Variants in DIS3L2 observed in about 807,000 individuals in gnomAD.
The protein encoded by DIS3L2 is DIS3-like exonuclease 2.
Under a neutral mutation model 97.5 loss-of-function variants are expected in DIS3L2, and 34 were observed. The ratio of observed to expected loss-of-function variants is 0.35; its 90% CI spans 0.27 to 0.46. DIS3L2 has a LOEUF of 0.46. DIS3L2 is among the 20% of genes least tolerant of loss of function. The pLI is 1.00. For missense variants in DIS3L2, 1,038 were observed against 1,146.0 expected (o/e 0.91, Z 1.36); for synonymous variants, 435 against 445.2 (o/e 0.98, Z 0.29).
chr2:232,234,830 C>T (rs1165141541), intron 10 of DIS3L2, among the ~76,000 whole-genome samples: 5 of 152,140 alleles, frequency 3.3e-5, no homozygotes, highest in African/African-American at 9.7e-5. Context: ...ATGTCTAGTG[C>T]GGGCATAAAC....
At chr2:232,240,528 G>A (rs1192278433) in intron 11 of DIS3L2, among the ~76,000 whole-genome samples, 1 of 152,224 alleles carries the variant, frequency 6.6e-6, no homozygotes, top group African/African-American at 2.4e-5. Flanking sequence ...TGACCAATTA[G>A]TGAGAATAGT....
chr2:232,230,702 CAAAGTGAG>C (rs1342074837), intron 10 of DIS3L2, among the ~76,000 whole-genome samples: 1 of 152,150 alleles, frequency 6.6e-6, no homozygotes, highest in Non-Finnish European at 1.5e-5. Flanking sequence ...GGTGAGGTGG[CAAAGTGAG>C]AAAGTGAGTA....
intron 8 of DIS3L2, among the ~76,000 whole-genome samples, chr2:232,141,128 C>T (rs966354077): frequency 6.6e-6 from 1 of 152,138 alleles, no homozygotes; most frequent in African/African-American, 2.4e-5. Flanking sequence ...AATCATCTTT[C>T]CCTTTAGAAA....
intron 8 of DIS3L2, among the ~76,000 whole-genome samples, chr2:232,138,610 T>A (rs538434445): frequency 9.2e-5 from 14 of 152,194 alleles, no homozygotes; most frequent in Non-Finnish European, 2.1e-4. Context: ...TGGTTATCCG[T>A]TACTGATCTT....
chr2:232,175,694 A>T (rs151218904), intron 9 of DIS3L2, among the ~76,000 whole-genome samples: 4 of 152,132 alleles, frequency 2.6e-5, no homozygotes, highest in Non-Finnish European at 5.9e-5. Flanking sequence ...TGAGCATAGT[A>T]CCCAATAAGA....
chr2:232,184,478 C>G (rs1559712954), intron 9 of DIS3L2, among the ~76,000 whole-genome samples: 1 of 152,086 alleles, frequency 6.6e-6, no homozygotes, highest in Non-Finnish European at 1.5e-5. Context: ...CAGCAAAACC[C>G]CATCTGTACA....
At chr2:232,246,326 A>G (rs977337805) in intron 11 of DIS3L2, among the ~76,000 whole-genome samples, 2 of 152,260 alleles carry the variant, frequency 1.3e-5, no homozygotes, top group African/African-American at 4.8e-5. Context: ...ATGTCCAGAA[A>G]GGTGTTCCAG....
intron 10 of DIS3L2, among the ~76,000 whole-genome samples, chr2:232,235,504 G>T (rs944170911): frequency 3.9e-5 from 6 of 152,200 alleles, no homozygotes; most frequent in African/African-American, 1.4e-4. Context: ...GCTCTGCTGG[G>T]AATTCTGAAT....
intron 8 of DIS3L2, among the ~76,000 whole-genome samples, chr2:232,155,050 C>T (rs1690446668): frequency 6.6e-6 from 1 of 150,390 alleles, no homozygotes; most frequent in African/African-American, 2.5e-5. Flanking sequence ...AATGCCTCGC[C>T]CTGCTTCGGC....
intron 13 of DIS3L2, among the ~76,000 whole-genome samples, chr2:232,287,581 G>A (rs922599583): frequency 3.1e-4 from 47 of 151,880 alleles, no homozygotes; most frequent in African/African-American, 1.1e-3. Context: ...TTGTAGAGAC[G>A]GAGGTCTCGC....
intron 1 of DIS3L2, among the ~76,000 whole-genome samples, chr2:231,972,054 G>T (rs1692932933): frequency 6.6e-6 from 1 of 151,602 alleles, no homozygotes. Context: ...GCGTGGTGGT[G>T]TGCACCTGTA....
At chr2:232,083,927 G>A (rs1696494044) in intron 5 of DIS3L2, among the ~76,000 whole-genome samples, 1 of 152,122 alleles carries the variant, frequency 6.6e-6, no homozygotes, top group Non-Finnish European at 1.5e-5. Flanking sequence ...CATTAAACCC[G>A]AGATTGTATA....
chr2:232,183,226 AC>A (rs1691340687), intron 9 of DIS3L2, among the ~76,000 whole-genome samples: 2 of 152,206 alleles, frequency 1.3e-5, no homozygotes. Context: ...TGAGAAATAA[AC>A]GTTATAAGCT....
At chr2:232,129,454 C>T (rs923176521) in intron 6 of DIS3L2, among the ~76,000 whole-genome samples, 7 of 152,110 alleles carry the variant, frequency 4.6e-5, no homozygotes, top group Admixed American at 3.3e-4. Context: ...AAAGTTGAAC[C>T]TTGCTGATGT....
chr2:232,329,786 C>CCCCGGGGCCG, intron 14 of DIS3L2, 27 bp from the exon 15 acceptor site: 2 of 430,238 alleles, frequency 4.6e-6, no homozygotes, highest in Non-Finnish European at 4.2e-6. Flanking sequence ...CCCCAGCGGT[C>CCCCGGGGCCG]CCTCCCATCC....
At chr2:232,324,891 G>A (rs73002030) in intron 14 of DIS3L2, among the ~76,000 whole-genome samples, 10,345 of 152,246 alleles carry the variant, frequency 0.068, 927 homozygotes, top group East Asian at 0.44. Flanking sequence ...AAGCCACTGA[G>A]GAGAAGCCCC....
rs771836348 is a variant in DIS3L2 at position 232,334,604 on chromosome 2, G to A, written c.2290-27G>A. 8 of 1,601,068 alleles carry A rather than the reference G, an allele frequency of 5.0e-6. No homozygotes were observed. In the South Asian group the frequency reaches 9.0e-5, roughly 18 times the overall value. On this transcript the variant is annotated intron_variant, in intron 18 of 20. Coordinates refer to ENST00000325385, the MANE Select transcript of DIS3L2 (RefSeq NM_152383.5). ...GGAGCCCAGGGCAGTGCCAGGAGGT[G>A]CCATGGCTGCAGCACTGTCCCTGCA...
intron 13 of DIS3L2, among the ~76,000 whole-genome samples, chr2:232,342,329 A>AT (rs527417755): frequency 1.2e-3 from 189 of 152,274 alleles, no homozygotes; most frequent in African/African-American, 4.6e-3. Context: ...ATAGCTTCAA[A>AT]TTCAGACATG....
chr2:232,186,798 C>T (rs1302768269), intron 9 of DIS3L2, among the ~76,000 whole-genome samples: 3 of 152,124 alleles, frequency 2.0e-5, no homozygotes, highest in South Asian at 2.1e-4. Flanking sequence ...ATTAATGTAT[C>T]ATGTGTACAA....
Sources: gnomAD v4.1 joint callset for allele counts (sites outside exome capture counted in the v4.1 genomes callset) on GRCh38, gnomAD v4.1.1 for gene constraint, MANE v1.5 for transcripts, NCBI Gene and HGNC (gene_info 2026-07-23, HGNC 2026-07-21) for gene names.